Variants in USP36 observed in about 807,000 individuals in gnomAD.
USP36 encodes ubiquitin carboxyl-terminal hydrolase 36.
A neutral mutation model predicts 111.5 loss-of-function variants in USP36; 59 were observed. The observed-to-expected ratio is 0.53, with a 90% CI of 0.43 to 0.66. USP36 has a LOEUF of 0.66. Among genes scored for constraint, USP36 ranks in the 30% least tolerant of loss-of-function variants. The pLI, the probability that USP36 is intolerant of heterozygous loss-of-function variation, is 0.00. For missense variants in USP36, 1,488 were observed against 1,468.0 expected (o/e 1.01, Z -0.22); for synonymous variants, 628 against 581.0 (o/e 1.08, Z -1.16).
At chr17:78,814,264 C>T in intron 11 of USP36, 148 bp downstream of exon 11, 14 of 1,106,016 alleles carry the variant, frequency 1.3e-5, no homozygotes, top group Non-Finnish European at 1.8e-5. Flanking sequence ...CTTTTCACTC[C>T]ACGCAGAGAG....
chr17:78,807,601 G>A lies in USP36; in HGVS notation c.1443C>T (p.Thr481=). Residue 481 remains threonine, a synonymous_variant, in exon 14 of 21, where the codon ACC becomes ACT. Coordinates refer to ENST00000449938, the MANE Select transcript of USP36 (RefSeq NM_001385174.1). ...ATATGGGCACACCAATCTCTTCAGTGGTGTGCGGCTTCTTCATCGTCCCAG... is the reference window on the plus strand; with the variant it reads ...ATATGGGCACACCAATCTCTTCAGTAGTGTGCGGCTTCTTCATCGTCCCAG... ...QDSGTMKKPH[T]TEEIGVPISR... The A allele has an allele frequency of 6.4e-7, 1 of 1,551,328 alleles. No individual in the cohort carries two copies. Among genetic ancestry groups the A allele is most frequent in the South Asian group, 1.2e-5 (1 of 81,642 alleles).
chr17:78,806,464 C>A lies in USP36; in HGVS notation c.2086-178G>T, dbSNP rs147845110. Among the ~76,000 whole-genome samples the A allele has an allele frequency of 5.9e-5, 9 of 152,176 alleles. No homozygotes were observed. The East Asian group carries it at 1.7e-3, about 29-fold the overall frequency. Reference sequence around the variant, plus strand: ...GGGCAGGGGAATGGTAGAAGAAGAACCAGAAAAGTATTTTTGGTTAGAAAC... The same window carrying A: ...GGGCAGGGGAATGGTAGAAGAAGAAACAGAAAAGTATTTTTGGTTAGAAAC... On this transcript the variant is annotated intron_variant, in intron 14 of 20. Coordinates refer to ENST00000449938, the MANE Select transcript of USP36 (RefSeq NM_001385174.1).
upstream of USP36, chr17:78,841,306 G>GCGA (rs2069267975): frequency 6.6e-6 from 1 of 152,398 alleles, no homozygotes; most frequent in Non-Finnish European, 1.5e-5. Context: ...AGGCGCGGGC[G>GCGA]CTCGGCCTTA....
chr17:78,823,411 C>T (rs2145445894), intron 6 of USP36, among the ~76,000 whole-genome samples: 1 of 152,326 alleles, frequency 6.6e-6, no homozygotes, highest in African/African-American at 2.4e-5. Context: ...AAGGAATCCC[C>T]TCTTGCATAA....
intron 6 of USP36, chr17:78,823,232 C>T (rs940608561): frequency 5.0e-6 from 2 of 398,602 alleles, no homozygotes; most frequent in Non-Finnish European, 8.8e-6. Context: ...TACTGTCCCA[C>T]CATTCTTCAA....
intron 3 of USP36, 44 bp from the exon 4 acceptor site, chr17:78,835,545 TCCACACAC>T: frequency 1.3e-6 from 2 of 1,546,720 alleles, no homozygotes; most frequent in Non-Finnish European, 1.8e-6. Flanking sequence ...AAGACGTAAG[TCCACACAC>T]AGGTCGTCCA....
rs373193629 is a variant in USP36 at position 78,799,364 on chromosome 17, T to C, written c.3124+303A>G. On this transcript the variant is annotated intron_variant, in intron 18 of 20. Transcript: ENST00000449938. ...TGAGCAAGAAGTGACATTACCCAGGTTGGAAGAGCTTCGTCACTCTGCCCC... is the reference window on the plus strand; with the variant it reads ...TGAGCAAGAAGTGACATTACCCAGGCTGGAAGAGCTTCGTCACTCTGCCCC... 7.9e-5 allele frequency among the ~76,000 whole-genome samples: 12 copies of C among 152,310 alleles called. 4 individuals carry two copies. The highest frequency in any genetic ancestry group is 6.5e-5 in the Admixed American group (1 of 15,302).
intron 10 of USP36, among the ~76,000 whole-genome samples, chr17:78,817,983 G>C (rs1439869385): frequency 1.3e-5 from 2 of 152,140 alleles, no homozygotes; most frequent in South Asian, 4.1e-4. Context: ...TACTCAGGAG[G>C]CTAAGGCAGG....
chr17:78,838,326 C>T (rs1280854655), intron 2 of USP36, among the ~76,000 whole-genome samples: 5 of 141,602 alleles, frequency 3.5e-5, no homozygotes, highest in Non-Finnish European at 3.0e-5. Context: ...GAGCCGAGAT[C>T]GCGCCACTGC....
downstream of USP36, among the ~76,000 whole-genome samples, chr17:78,793,822 A>C (rs146432997): frequency 6.6e-6 from 1 of 152,276 alleles, no homozygotes; most frequent in East Asian, 1.9e-4. Flanking sequence ...CCCAGTGTCC[A>C]GACACCTGGG....
At position 78,798,381 on chromosome 17, in the gene USP36, C is replaced by T; in HGVS notation, c.*20+19G>A. 6.2e-7 allele frequency: 1 copy of T among 1,612,866 alleles called. No individual in the cohort carries two copies. Among genetic ancestry groups the T allele is most frequent in the South Asian group, 1.1e-5 (1 of 91,070 alleles). Reference sequence around the variant, plus strand: ...ACACACCCCCACCTCACCCTTACACCCACCCCCTCGGAACCGACCTCCTTC... The same window carrying T: ...ACACACCCCCACCTCACCCTTACACTCACCCCCTCGGAACCGACCTCCTTC... On this transcript the variant is annotated intron_variant, in intron 20 of 20. Coordinates refer to ENST00000449938, the MANE Select transcript of USP36 (RefSeq NM_001385174.1). The surrounding 1 kb of genome is among the most constrained non-coding windows in gnomAD (Gnocchi z 5.1).
At chr17:78,809,091 T>C (rs2145161193) in intron 13 of USP36, among the ~76,000 whole-genome samples, 1 of 152,386 alleles carries the variant, frequency 6.6e-6, no homozygotes, top group South Asian at 2.1e-4. Flanking sequence ...TCTCTGCACA[T>C]GCACTAAAGT....
At chr17:78,799,876 C>CTTTTT in intron 17 of USP36, 108 bp from the exon 18 acceptor site, 3 of 201,628 alleles carry the variant, frequency 1.5e-5, no homozygotes, top group South Asian at 1.1e-4. Context: ...TGGATGCTTG[C>CTTTTT]CTTTTTTTTT....
At chr17:78,790,112 G>A (rs946968095) in intron 3 of USP36, among the ~76,000 whole-genome samples, 19 of 150,252 alleles carry the variant, frequency 1.3e-4, no homozygotes, top group African/African-American at 4.2e-4. Context: ...TTTTTGAGAC[G>A]AAGTCTCGCT....
chr17:78,821,104 A>G, intron 7 of USP36, 43 bp from the exon 8 acceptor site: 1 of 1,555,164 alleles, frequency 6.4e-7, no homozygotes. Context: ...GGCCTGGCAG[A>G]GGCACTCCCA....
rs762299298 is a variant in USP36 at position 78,827,353 on chromosome 17, A to G, written c.587-6T>C. The G allele has an allele frequency of 2.5e-6, 4 of 1,607,402 alleles. No individual in the cohort carries two copies. Among genetic ancestry groups the G allele is most frequent in the Non-Finnish European group, 3.4e-6 (4 of 1,175,358 alleles). ...GCGGAAGTGTCGGGCGATCTCTAAA[A>G]GAGGAAGAAACAGGGAGGGAAGAGC... On this transcript the variant is annotated splice_region_variant and splice_polypyrimidine_tract_variant and intron_variant, in intron 5 of 20. Coordinates refer to ENST00000449938, the MANE Select transcript of USP36 (RefSeq NM_001385174.1).
intron 6 of USP36, 130 bp from the exon 7 acceptor site, chr17:78,822,134 G>T: frequency 1.0e-6 from 1 of 1,003,254 alleles, no homozygotes; most frequent in Non-Finnish European, 1.5e-6. Context: ...CCCCCCACCC[G>T]AGTCACCACA....
chr17:78,811,745 G>A (rs987728361), intron 13 of USP36, among the ~76,000 whole-genome samples: 2 of 152,124 alleles, frequency 1.3e-5, no homozygotes, highest in Non-Finnish European at 2.9e-5. Flanking sequence ...GCACACGCCT[G>A]TAGTCCCAGC....
chr17:78,807,003 T>G lies in USP36; in HGVS notation c.2041A>C (p.Met681Leu). 6.2e-7 allele frequency: 1 copy of G among 1,614,210 alleles called. No homozygotes were observed. The highest frequency in any genetic ancestry group is 2.2e-5 in the East Asian group (1 of 44,878). ...AGTTTTTTGGCTGGTGGAGGAGACATGGTGCTTGCAGGCTCAGTGGTGGTG... is the reference window on the plus strand; with the variant it reads ...AGTTTTTTGGCTGGTGGAGGAGACAGGGTGCTTGCAGGCTCAGTGGTGGTG... ...SNTTTEPASTMSPPPAKKLAL... is the reference protein window; with the variant it reads ...SNTTTEPASTLSPPPAKKLAL... Residue 681 changes from methionine (M) to leucine (L), a missense_variant, in exon 14 of 21, where the codon ATG (methionine) becomes CTG (leucine). Physicochemically the swap from Met to Leu is conservative, Grantham distance 15. Transcript: ENST00000449938.
Sources: allele counts gnomAD v4.1 joint callset (sites outside exome capture counted in the v4.1 genomes callset), GRCh38; gene constraint gnomAD v4.1.1; non-coding constraint Gnocchi (gnomAD v3.1); transcripts MANE v1.5; gene names NCBI Gene and HGNC (gene_info 2026-07-23, HGNC 2026-07-21).